STAT5B: variants seen among roughly 807,000 people sequenced by gnomAD.
The protein encoded by STAT5B is transcription factor STAT5B.
In STAT5B, 21 loss-of-function variants were observed where a neutral mutation model predicts 107.8. The ratio of observed to expected loss-of-function variants is 0.19; its 90% CI spans 0.14 to 0.28. The LOEUF is 0.28. Among genes scored for constraint, STAT5B ranks in the 10% least tolerant of loss-of-function variants. The pLI, the probability that STAT5B is intolerant of heterozygous loss-of-function variation, is 1.00. For missense variants in STAT5B, 565 were observed against 1,008.2 expected (o/e 0.56, Z 5.95); for synonymous variants, 325 against 401.7 (o/e 0.81, Z 2.28).
At chr17:42,224,234 T>C (rs1382158534) in intron 4 of STAT5B, among the ~76,000 whole-genome samples, 2 of 152,196 alleles carry the variant, frequency 1.3e-5, no homozygotes, top group African/African-American at 4.8e-5. Flanking sequence ...ATGCCTTTAC[T>C]AAAAAATTAT....
intron 5 of STAT5B, among the ~76,000 whole-genome samples, chr17:42,221,825 TAA>T (rs1448154693): frequency 1.3e-5 from 2 of 152,094 alleles, no homozygotes; most frequent in Non-Finnish European, 2.9e-5. Context: ...GTGGAGAAGA[TAA>T]AGAGTAAATA....
rs774739413 is a variant in STAT5B, at chr17:42,202,405, C to T, written c.2172G>A (p.Thr724=). ...ASADAGGGSA[T]YMDQAPSPAV... Reference sequence around the variant, plus strand: ...CTGGGGAGGGGGCCTGGTCCATGTACGTGGCGCTGCCGCCCCCGGCATCTG... The same window carrying T: ...CTGGGGAGGGGGCCTGGTCCATGTATGTGGCGCTGCCGCCCCCGGCATCTG... The change falls in exon 18 of 19, where the codon ACG becomes ACA. Residue 724 remains threonine (T), a synonymous_variant. Transcript: ENST00000293328. 17 of 1,614,120 alleles carry T rather than the reference C, an allele frequency of 1.1e-5. No homozygotes were observed. In the Admixed American group the frequency reaches 1.8e-4, roughly 17 times the overall value.
At chr17:42,268,356 T>C (rs1026465302) in intron 1 of STAT5B, among the ~76,000 whole-genome samples, 1 of 152,188 alleles carries the variant, frequency 6.6e-6, no homozygotes, top group Non-Finnish European at 1.5e-5. Flanking sequence ...CTAGGAGCAA[T>C]AGGCTTTATC....
chr17:42,210,822 A>C (rs2080122219), intron 13 of STAT5B, among the ~76,000 whole-genome samples: 1 of 152,176 alleles, frequency 6.6e-6, no homozygotes, highest in South Asian at 2.1e-4. Flanking sequence ...AGCTTCTGAG[A>C]AATGCACGTT....
At chr17:42,232,253 T>G in intron 1 of STAT5B, 116 bp from the exon 2 acceptor site, 1 of 1,098,560 alleles carries the variant, frequency 9.1e-7, no homozygotes, top group Non-Finnish European at 1.2e-6. Context: ...TTATTTATTT[T>G]TATTTTTATT....
chr17:42,285,106 T>C, the STAT5B span, among the ~76,000 whole-genome samples: 1 of 152,108 alleles, frequency 6.6e-6, no homozygotes, highest in Non-Finnish European at 1.5e-5. Context: ...TTCTTTTTTT[T>C]TGAGACAGAG....
chr17:42,215,916 C>T (rs1184699346), intron 12 of STAT5B, 98 bp downstream of exon 12: 1 of 1,357,166 alleles, frequency 7.4e-7, no homozygotes, highest in Admixed American at 2.0e-5. Context: ...GTCACTGCAC[C>T]CGGCCTTTTC....
intron 1 of STAT5B, among the ~76,000 whole-genome samples, chr17:42,257,576 TAC>T (rs2080557249): frequency 6.6e-6 from 1 of 152,202 alleles, no homozygotes; most frequent in Admixed American, 6.5e-5. Flanking sequence ...GTCCAGGACA[TAC>T]AGTTTTATTT....
chr17:42,218,820 G>A lies in STAT5B; in HGVS notation c.892C>T (p.His298Tyr), dbSNP rs2080197320. ...QNRQQIRRAE[H>Y]LCQQLPIPGP... Reference sequence around the variant, plus strand: ...GGGATGGGCAGCTGCTGGCAGAGGTGCTCAGCCCTGCGGATCTGCTGCCGG... The same window carrying A: ...GGGATGGGCAGCTGCTGGCAGAGGTACTCAGCCCTGCGGATCTGCTGCCGG... The change falls in exon 8 of 19, where the codon CAC (histidine) becomes TAC (tyrosine). Residue 298 changes from histidine (H) to tyrosine (Y), a missense_variant. This residue lies in a region of STAT5B where 48 missense variants were observed against 106.5 expected (regional missense o/e 0.45). Transcript: ENST00000293328. 1 of 1,613,208 alleles carries A rather than the reference G, an allele frequency of 6.2e-7. No individual in the cohort carries two copies. The highest frequency in any genetic ancestry group is 8.5e-7 in the Non-Finnish European group (1 of 1,179,714).
chr17:42,227,786 T>C, intron 2 of STAT5B, 101 bp from the exon 3 acceptor site: 1 of 1,271,540 alleles, frequency 7.9e-7, no homozygotes, highest in Non-Finnish European at 1.1e-6. Flanking sequence ...AAAGTGATGT[T>C]TTTAATCCTC....
intron 1 of STAT5B, among the ~76,000 whole-genome samples, chr17:42,246,691 G>A (rs1264802184): frequency 6.6e-6 from 1 of 152,164 alleles, no homozygotes; most frequent in Non-Finnish European, 1.5e-5. Context: ...CTACTCAGGA[G>A]GCTGAGACAG....
intron 1 of STAT5B, among the ~76,000 whole-genome samples, chr17:42,245,599 T>C (rs913220106): frequency 6.6e-6 from 1 of 151,998 alleles, no homozygotes; most frequent in South Asian, 2.1e-4. Flanking sequence ...CTTGGCTCAC[T>C]GCAACCTCCG....
intron 1 of STAT5B, among the ~76,000 whole-genome samples, chr17:42,266,546 T>TA (rs771718588): frequency 0.035 from 4,303 of 121,334 alleles, 88 homozygotes; most frequent in Non-Finnish European, 0.053. Flanking sequence ...TCTCAAAAAA[T>TA]AAAAAAAAAA....
intron 1 of STAT5B, among the ~76,000 whole-genome samples, chr17:42,242,984 C>T (rs535671391): frequency 7.4e-6 from 1 of 134,718 alleles, no homozygotes; most frequent in East Asian, 2.2e-4. Context: ...GACACAAACA[C>T]TGCGGAAGGC....
chr17:42,206,427 C>G (rs2080085353), intron 16 of STAT5B, among the ~76,000 whole-genome samples: 1 of 151,934 alleles, frequency 6.6e-6, no homozygotes, highest in South Asian at 2.1e-4. Context: ...CGTTCTGCTG[C>G]TAGATAACCT....
At chr17:42,248,707 G>C (rs1012346792) in intron 1 of STAT5B, among the ~76,000 whole-genome samples, 2 of 152,304 alleles carry the variant, frequency 1.3e-5, no homozygotes, top group Middle Eastern at 3.4e-3. Context: ...CCAGGATAAC[G>C]GCAGAGCCCT....
Position 42,215,995 on chromosome 17 carries a change from G to A in STAT5B, c.1473+19C>T. The A allele has an allele frequency of 6.2e-7, 1 of 1,612,924 alleles. No homozygotes were observed. Among genetic ancestry groups the A allele is most frequent in the Non-Finnish European group, 8.5e-7 (1 of 1,179,186 alleles). On this transcript the variant is annotated intron_variant, in intron 12 of 18. Coordinates refer to ENST00000293328, the MANE Select transcript of STAT5B (RefSeq NM_012448.4). Reference sequence around the variant, plus strand: ...CCGGCATTGATTTTGGGACCCACATGCCCGAGGAATACACTCACAGGCTCT... The same window carrying A: ...CCGGCATTGATTTTGGGACCCACATACCCGAGGAATACACTCACAGGCTCT...
rs1363041524 is a variant in STAT5B at position 42,262,848 on chromosome 17, GTATATACACACATATATGTGTGTGTA to G, written c.-11+13374_-11+13399del. Among the ~76,000 whole-genome samples the G allele has an allele frequency of 2.6e-4, 21 of 81,646 alleles. 1 individual carries two copies. Among genetic ancestry groups the G allele is most frequent in the African/African-American group, 4.5e-4 (7 of 15,432 alleles). 53.6% of individuals were successfully genotyped at this position (81,646 alleles called of 152,430 possible). A position where few individuals can be genotyped will look rare whatever the true frequency, so the allele number is the denominator to read the frequency against. The stretch of plus-strand genomic sequence containing the variant: ...TGTGTATATATACACACATATATAT[GTATATACACACATATATGTGTGTGTA>G]TATATACACATATATATGTGTGTAT... On this transcript the variant is annotated intron_variant, in intron 1 of 18. Transcript: ENST00000293328.
rs75642417 is a variant in STAT5B, at chr17:42,238,451, CTT to C, written c.-10-6316_-10-6315del. The stretch of plus-strand genomic sequence containing the variant: ...AGAGGCACAAGCCATTGTGCCTGGC[CTT>C]TTTTTTTTTTTTTTTTTTTAAGGCA... On this transcript the variant is annotated intron_variant, in intron 1 of 18. Coordinates refer to ENST00000293328, the MANE Select transcript of STAT5B (RefSeq NM_012448.4). 1.9e-3 allele frequency among the ~76,000 whole-genome samples: 239 copies of C among 124,792 alleles called. 1 individual carries two copies. Among genetic ancestry groups the C allele is most frequent in the African/African-American group, 6.7e-3 (210 of 31,402 alleles). 81.9% of individuals were successfully genotyped at this position (124,792 alleles called of 152,430 possible).
Sources: gnomAD v4.1 joint callset for allele counts (sites outside exome capture counted in the v4.1 genomes callset) on GRCh38, gnomAD v4.1.1 for gene constraint, gnomAD v4.1.1 regional missense constraint, MANE v1.5 for transcripts, NCBI Gene and HGNC (gene_info 2026-07-23, HGNC 2026-07-21) for gene names.